Variants in SEMA3A observed in about 807,000 individuals in gnomAD.
The protein encoded by SEMA3A is semaphorin-3A.
Under a neutral mutation model 97.9 loss-of-function variants are expected in SEMA3A, and 29 were observed. The ratio of observed to expected loss-of-function variants is 0.30; its 90% CI spans 0.22 to 0.40. SEMA3A has a LOEUF of 0.40. Among genes scored for constraint, SEMA3A ranks in the 10% least tolerant of loss-of-function variants. SEMA3A has a pLI of 1.00. For synonymous variants in SEMA3A, 321 were observed against 323.7 expected, an observed-to-expected ratio of 0.99 and a Z score of 0.09; for missense variants, 763 against 951.3, an observed-to-expected ratio of 0.80 and a Z score of 2.60.
At chr7:84,185,692 GAAAAA>G (rs71078810) in intron 1 of SEMA3A, among the ~76,000 whole-genome samples, 2 of 78,090 alleles carry the variant, frequency 2.6e-5, no homozygotes, top group Non-Finnish European at 4.6e-5. Flanking sequence ...ACTCTGGCAG[GAAAAA>G]AAAAAAAAAA....
chr7:84,191,866 A>G (rs1798049865), intron 1 of SEMA3A, among the ~76,000 whole-genome samples: 1 of 151,868 alleles, frequency 6.6e-6, no homozygotes, highest in Admixed American at 6.6e-5. Context: ...GGTCCTGAAC[A>G]CATCTATTCA....
At chr7:84,425,160 T>C (rs1469413565) in intron 1 of SEMA3A, among the ~76,000 whole-genome samples, 2 of 111,430 alleles carry the variant, frequency 1.8e-5, no homozygotes, top group African/African-American at 7.4e-5. Context: ...TTATATATTA[T>C]AAATATTAAA....
At chr7:84,340,015 A>C (rs1464577729) in intron 2 of SEMA3A, among the ~76,000 whole-genome samples, 3 of 152,142 alleles carry the variant, frequency 2.0e-5, no homozygotes, top group African/African-American at 7.2e-5. Context: ...AAAAAACATC[A>C]CTTTAGAAAG....
At chr7:84,137,689 T>TAAAAAAAAAAAAAAAAAAAAAA in intron 1 of SEMA3A, among the ~76,000 whole-genome samples, 1 of 85,276 alleles carries the variant, frequency 1.2e-5, no homozygotes, top group Non-Finnish European at 2.3e-5. Context: ...GGCCAAACTT[T>TAAAAAAAAAAAAAAAAAAAAAA]AAAAAAAAAA....
In SEMA3A at chr7:84,002,011, T is replaced by C; in HGVS notation, c.1396A>G (p.Lys466Glu). 1.2e-6 allele frequency: 2 copies of C among 1,612,140 alleles called. No homozygotes were observed. The highest frequency in any genetic ancestry group is 1.7e-6 in the Non-Finnish European group (2 of 1,178,972). The change falls in exon 12 of 17, where the codon AAG becomes GAG. Residue 466 changes from lysine to glutamate, a missense_variant. Lys to Glu is a moderately conservative substitution (Grantham distance 56). This residue lies in a region of SEMA3A where 678 missense variants were observed against 881.3 expected (regional missense o/e 0.77). Transcript: ENST00000265362. ...GTVLKVVSIP[K>E]ETWYDLEEVL... Reference sequence around the variant, plus strand: ...TCTTCTAAATCATACCAAGTCTCCTTAGGAATTGAAACTACTTTAAGAACG... The same window carrying C: ...TCTTCTAAATCATACCAAGTCTCCTCAGGAATTGAAACTACTTTAAGAACG...
intron 1 of SEMA3A, among the ~76,000 whole-genome samples, chr7:84,401,562 G>T (rs561043671): frequency 6.6e-6 from 1 of 151,322 alleles, no homozygotes; most frequent in South Asian, 2.1e-4. Flanking sequence ...GCAATTCTTG[G>T]CAAAGAGAAT....
intron 3 of SEMA3A, among the ~76,000 whole-genome samples, chr7:84,249,075 G>T (rs2063982750): frequency 6.6e-6 from 1 of 152,168 alleles, no homozygotes; most frequent in South Asian, 2.1e-4. Flanking sequence ...TGTTTCAGAA[G>T]AATAAAGTGC....
At chr7:84,245,001 T>A (rs1799447623) in intron 3 of SEMA3A, among the ~76,000 whole-genome samples, 1 of 152,164 alleles carries the variant, frequency 6.6e-6, no homozygotes, top group Admixed American at 6.5e-5. Context: ...CCGACCTTTC[T>A]CTCTGGCTTC....
At chr7:84,268,463 G>A (rs765585382) in intron 3 of SEMA3A, among the ~76,000 whole-genome samples, 8 of 151,964 alleles carry the variant, frequency 5.3e-5, no homozygotes, top group Non-Finnish European at 1.0e-4. Context: ...AAATGAGAGG[G>A]GAAGGCTCTG....
intron 1 of SEMA3A, among the ~76,000 whole-genome samples, chr7:84,491,144 A>G (rs1279460144): frequency 6.6e-6 from 1 of 152,168 alleles, no homozygotes; most frequent in Non-Finnish European, 1.5e-5. Flanking sequence ...TTCTACCGTC[A>G]TGGCTTTTAA....
intron 2 of SEMA3A, among the ~76,000 whole-genome samples, chr7:84,367,195 C>T (rs1057186334): frequency 4.0e-5 from 6 of 151,042 alleles, no homozygotes; most frequent in African/African-American, 1.2e-4. Context: ...AAAAAATAAA[C>T]GTATAGGTGA....
chr7:84,405,546 T>G (rs566849979), intron 1 of SEMA3A, among the ~76,000 whole-genome samples: 3 of 152,274 alleles, frequency 2.0e-5, no homozygotes, highest in South Asian at 4.1e-4. Context: ...CAAGTAGACG[T>G]AATAGACATC....
At chr7:84,420,604 G>A (rs747119955) in intron 1 of SEMA3A, among the ~76,000 whole-genome samples, 18 of 151,898 alleles carry the variant, frequency 1.2e-4, no homozygotes, top group Admixed American at 2.6e-4. Context: ...GATAAAAAAC[G>A]TAAATCTCCT....
intron 1 of SEMA3A, among the ~76,000 whole-genome samples, chr7:84,190,782 C>A (rs1464761608): frequency 2.0e-5 from 3 of 148,842 alleles, no homozygotes; most frequent in Non-Finnish European, 4.5e-5. Context: ...TCATTTTAAA[C>A]CAACAATTTA....
rs1313067800 is a variant in SEMA3A, at chr7:83,959,799, G to A, written c.*1572C>T. The A allele has an allele frequency of 6.6e-6, 1 of 152,090 alleles. No homozygotes were observed. The highest frequency in any genetic ancestry group is 2.4e-5 in the African/African-American group (1 of 41,454). The allele number at this position is 152,090 out of a possible 1,614,324, so 9.4% of individuals were successfully genotyped here. On this transcript the variant is annotated 3_prime_UTR_variant, in exon 17 of 17. Coordinates refer to ENST00000265362, the MANE Select transcript of SEMA3A (RefSeq NM_006080.3). ...GAGGAGTCCTGAATAGGTGAGTGCA[G>A]TGCAAAAGAAACCACAGTATAATGC...
intron 4 of SEMA3A, among the ~76,000 whole-genome samples, chr7:84,071,307 C>A (rs1256763274): frequency 6.6e-6 from 1 of 152,102 alleles, no homozygotes; most frequent in Non-Finnish European, 1.5e-5. Context: ...TAACAGCACA[C>A]AATATAGAGT....
exon 2 of SEMA3A, chr7:84,371,887 T>C (rs1802986001): frequency 6.6e-6 from 1 of 152,004 alleles, no homozygotes; most frequent in Non-Finnish European, 1.5e-5. Flanking sequence ...CCATGGATGG[T>C]TTTTTTAAAT....
At chr7:84,321,872 G>GAAAAAAAAAAAAAAAA (rs1156548285) in intron 2 of SEMA3A, among the ~76,000 whole-genome samples, 6 of 12,038 alleles carry the variant, frequency 5.0e-4, no homozygotes, top group South Asian at 4.1e-3. Context: ...CGAGACTACG[G>GAAAAAAAAAAAAAAAA]AAAAAAAAAA....
chr7:84,263,547 A>T (rs146625330), intron 3 of SEMA3A, among the ~76,000 whole-genome samples: 1 of 152,336 alleles, frequency 6.6e-6, no homozygotes, highest in Non-Finnish European at 1.5e-5. Flanking sequence ...GTTGTTGTAA[A>T]GATTAACTCA....
Sources: gnomAD v4.1 joint callset for allele counts (sites outside exome capture counted in the v4.1 genomes callset) on GRCh38, gnomAD v4.1.1 for gene constraint, gnomAD v4.1.1 regional missense constraint, MANE v1.5 for transcripts, NCBI Gene and HGNC (gene_info 2026-07-23, HGNC 2026-07-21) for gene names.